Variants in NRG1 observed in about 807,000 individuals in gnomAD.
NRG1 encodes pro-neuregulin-1, membrane-bound isoform.
A neutral mutation model predicts 63.8 loss-of-function variants in NRG1; 18 were observed. The observed-to-expected ratio is 0.28, with a 90% confidence interval of 0.19 to 0.42. The LOEUF (loss-of-function observed/expected upper bound fraction) is 0.42. Ranked by LOEUF, NRG1 falls within the 10% of genes least tolerant of loss-of-function variation. The probability of loss-of-function intolerance (pLI) is 1.00; values close to 1 mark genes in which losing one functional copy is unlikely to be tolerated. For synonymous variants in NRG1, 302 were observed against 301.3 expected (o/e 1.00, Z -0.02); for missense variants, 762 against 814.7 (o/e 0.94, Z 0.79).
intron 1 of NRG1, among the ~76,000 whole-genome samples, chr8:31,740,269 G>A (rs1368444589): frequency 6.6e-6 from 1 of 151,856 alleles, no homozygotes; most frequent in Non-Finnish European, 1.5e-5. Flanking sequence ...TTAAATTAAA[G>A]GTATATTCTT....
intron 11 of NRG1, chr8:32,760,826 G>T (rs1407242746): frequency 2.0e-6 from 2 of 1,014,288 alleles, no homozygotes; most frequent in South Asian, 4.1e-5. Context: ...CTGGCCTCGT[G>T]TTCTTATCTG....
intron 1 of NRG1, among the ~76,000 whole-genome samples, chr8:32,509,950 G>A (rs560394940): frequency 6.6e-5 from 10 of 152,138 alleles, no homozygotes; most frequent in Non-Finnish European, 1.3e-4. Flanking sequence ...GGGAAGAAAT[G>A]TGGCCTTGCC....
chr8:32,193,830 C>T (rs960229715), intron 1 of NRG1, among the ~76,000 whole-genome samples: 2 of 152,188 alleles, frequency 1.3e-5, no homozygotes, highest in Admixed American at 1.3e-4. Context: ...GAGACAGAGA[C>T]ATGCATACAG....
chr8:31,974,620 AATAAAGGGAGGCTATGTTTAC>A (rs1444211437), intron 1 of NRG1, among the ~76,000 whole-genome samples: 2 of 152,294 alleles, frequency 1.3e-5, no homozygotes, highest in African/African-American at 4.8e-5. Context: ...GTAGGCCTTC[AATAAAGGGAGGCTATGTTTAC>A]ATGGGCCTTC....
chr8:32,450,407 C>T (rs1820805175), intron 1 of NRG1, among the ~76,000 whole-genome samples: 1 of 151,824 alleles, frequency 6.6e-6, no homozygotes, highest in African/African-American at 2.4e-5. Context: ...ACAGTGAGAC[C>T]TCATTTCTAA....
chr8:32,048,684 G>A (rs967602998), intron 1 of NRG1, among the ~76,000 whole-genome samples: 14 of 151,540 alleles, frequency 9.2e-5, no homozygotes, highest in Non-Finnish European at 1.6e-4. Flanking sequence ...AGGTGATATC[G>A]CATTGTGACG....
At chr8:32,098,975 C>T (rs1180917284) in intron 1 of NRG1, among the ~76,000 whole-genome samples, 1 of 152,154 alleles carries the variant, frequency 6.6e-6, no homozygotes, top group Non-Finnish European at 1.5e-5. Context: ...ATTGTTGTCA[C>T]TGGTAGCATC....
At chr8:32,561,537 A>G (rs1836398180) in intron 1 of NRG1, among the ~76,000 whole-genome samples, 1 of 152,168 alleles carries the variant, frequency 6.6e-6, no homozygotes, top group South Asian at 2.1e-4. Flanking sequence ...TTTTTTTAGC[A>G]CCAATGCCTT....
intron 1 of NRG1, among the ~76,000 whole-genome samples, chr8:31,910,963 G>C (rs1392785244): frequency 6.6e-6 from 1 of 152,092 alleles, no homozygotes; most frequent in African/African-American, 2.4e-5. Context: ...CATCTTTCAA[G>C]GAGTGTGAAG....
At chr8:31,770,490 C>A (rs1818499648) in intron 1 of NRG1, among the ~76,000 whole-genome samples, 1 of 151,666 alleles carries the variant, frequency 6.6e-6, no homozygotes, top group South Asian at 2.1e-4. Context: ...AGCTGGAAAC[C>A]ATCATTCTCA....
chr8:32,640,363 T>C (rs1028079673), intron 5 of NRG1, among the ~76,000 whole-genome samples: 2 of 151,796 alleles, frequency 1.3e-5, no homozygotes, highest in African/African-American at 4.8e-5. Context: ...TCCCATAGTT[T>C]ATTCATCCCT....
chr8:32,548,113 G>A (rs1833303735), upstream of NRG1: 1 of 690,578 alleles, frequency 1.4e-6, no homozygotes, highest in Admixed American at 6.3e-5. Flanking sequence ...CAGCGCGGGA[G>A]GAAAAGGGGC....
At chr8:32,368,691 G>A (rs1260526237) in intron 1 of NRG1, among the ~76,000 whole-genome samples, 3 of 152,256 alleles carry the variant, frequency 2.0e-5, no homozygotes, top group Non-Finnish European at 4.4e-5. Context: ...TGTATCTCCT[G>A]ATTTTTTCCT....
At chr8:32,565,062 C>T (rs1837185831) in intron 1 of NRG1, among the ~76,000 whole-genome samples, 1 of 145,170 alleles carries the variant, frequency 6.9e-6, no homozygotes, top group South Asian at 2.2e-4. Flanking sequence ...AGAGAAAGAC[C>T]CAGTCTCAAA....
At chr8:32,426,099 C>T (rs1817332510) in intron 1 of NRG1, among the ~76,000 whole-genome samples, 1 of 152,064 alleles carries the variant, frequency 6.6e-6, no homozygotes, top group Admixed American at 6.6e-5. Flanking sequence ...GAATTGGTCC[C>T]ATATTGAGAA....
At chr8:32,711,825 A>C (rs985061517) in intron 5 of NRG1, among the ~76,000 whole-genome samples, 2 of 152,128 alleles carry the variant, frequency 1.3e-5, no homozygotes, top group African/African-American at 2.4e-5. Context: ...GTGATGTTTT[A>C]CTCTCAGCTG....
At chr8:32,152,486 C>T (rs1030916997) in intron 1 of NRG1, among the ~76,000 whole-genome samples, 37 of 152,300 alleles carry the variant, frequency 2.4e-4, no homozygotes, top group Admixed American at 1.6e-3. Flanking sequence ...ATACTTATAA[C>T]TCAGATAATT....
intron 1 of NRG1, among the ~76,000 whole-genome samples, chr8:31,976,453 C>T (rs1808193248): frequency 6.6e-6 from 1 of 152,154 alleles, no homozygotes. Flanking sequence ...CCATGACGCT[C>T]ACTACCACTG....
chr8:32,004,822 G>T (rs529331488), intron 1 of NRG1, among the ~76,000 whole-genome samples: 1 of 151,798 alleles, frequency 6.6e-6, no homozygotes, highest in South Asian at 2.1e-4. Flanking sequence ...TGTGAACAAA[G>T]TCATGATGAG....
Sources: allele counts gnomAD v4.1 joint callset (sites outside exome capture counted in the v4.1 genomes callset), GRCh38; gene constraint gnomAD v4.1.1; transcripts MANE v1.5; gene names NCBI Gene and HGNC (gene_info 2026-07-23, HGNC 2026-07-21).